Variants in STXBP6 observed in about 807,000 individuals in gnomAD.
STXBP6 encodes the protein syntaxin binding protein 6.
A neutral mutation model predicts 26.9 loss-of-function variants in STXBP6; 21 were observed. The ratio of observed to expected loss-of-function variants is 0.78; its 90% CI spans 0.55 to 1.12. STXBP6 has a LOEUF of 1.12. Ranked by LOEUF, STXBP6 falls within the 50% of genes most tolerant of loss-of-function variation. The pLI, the probability that STXBP6 is intolerant of heterozygous loss-of-function variation, is 0.00. For synonymous variants in STXBP6, 97 were observed against 92.6 expected, an observed-to-expected ratio of 1.05 and a Z score of -0.27; for missense variants, 232 against 257.9, an observed-to-expected ratio of 0.90 and a Z score of 0.69.
chr14:24,832,990 T>C (rs2068501723), intron 4 of STXBP6, among the ~76,000 whole-genome samples: 1 of 152,208 alleles, frequency 6.6e-6, no homozygotes, highest in Admixed American at 6.5e-5. Flanking sequence ...ATGATGAAAC[T>C]CAGAAACTCA....
chr14:24,819,256 C>T (rs192572527), intron 4 of STXBP6, 62 bp from the exon 5 acceptor site: 11 of 1,598,434 alleles, frequency 6.9e-6, no homozygotes, highest in East Asian at 2.2e-5. Flanking sequence ...GACCAGACTC[C>T]GGCAGGGTGA....
chr14:24,945,599 C>T (rs1595163558), intron 2 of STXBP6, among the ~76,000 whole-genome samples: 1 of 151,850 alleles, frequency 6.6e-6, no homozygotes, highest in South Asian at 2.1e-4. Context: ...ACAAACAAAA[C>T]ACTACCCCTA....
chr14:24,811,623 T>C lies in STXBP6; in HGVS notation c.*1086A>G, dbSNP rs567498243. 1.8e-3 allele frequency: 274 copies of C among 152,238 alleles called. No homozygotes were observed. The highest frequency in any genetic ancestry group is 6.3e-3 in the African/African-American group (261 of 41,540). 9.4% of individuals were successfully genotyped at this position (152,238 alleles called of 1,614,324 possible). A position where few individuals can be genotyped will look rare whatever the true frequency, so the allele number is the denominator to read the frequency against. The stretch of plus-strand genomic sequence containing the variant: ...TTATATCAGACCAGGCAAGGTGCAA[T>C]TGCCATGAAATGCAATTTGTCAAGA... On this transcript the variant is annotated 3_prime_UTR_variant, in exon 6 of 6. Transcript: ENST00000323944.
At chr14:25,025,125 G>A (rs77652922) in intron 1 of STXBP6, among the ~76,000 whole-genome samples, 8,123 of 152,068 alleles carry the variant, frequency 0.053, 651 homozygotes, top group African/African-American at 0.17. Context: ...AAATTTTGGT[G>A]TGTGGGATTT....
chr14:24,949,320 T>G (rs532727237), intron 2 of STXBP6, among the ~76,000 whole-genome samples: 3 of 152,306 alleles, frequency 2.0e-5, no homozygotes, highest in Non-Finnish European at 4.4e-5. Flanking sequence ...GTTTAAAGTT[T>G]TTAAATCTTC....
At chr14:25,027,099 G>A (rs978682114) in intron 1 of STXBP6, among the ~76,000 whole-genome samples, 3 of 152,200 alleles carry the variant, frequency 2.0e-5, no homozygotes, top group Non-Finnish European at 4.4e-5. Context: ...TCAAGCTGTT[G>A]CAGACCAATT....
chr14:24,997,317 T>C (rs958614636), intron 1 of STXBP6, among the ~76,000 whole-genome samples: 7 of 152,224 alleles, frequency 4.6e-5, no homozygotes, highest in African/African-American at 1.2e-4. Flanking sequence ...TACTCTCTCA[T>C]GCTCCCTCTG....
intron 2 of STXBP6, among the ~76,000 whole-genome samples, chr14:24,888,313 G>T (rs1261531422): frequency 2.0e-5 from 3 of 152,184 alleles, no homozygotes; most frequent in Non-Finnish European, 4.4e-5. Flanking sequence ...AACCTAAGCT[G>T]GCAGTAGGGA....
At chr14:24,956,708 C>A (rs1361684363) in intron 2 of STXBP6, among the ~76,000 whole-genome samples, 1 of 143,424 alleles carries the variant, frequency 7.0e-6, no homozygotes, top group Admixed American at 6.9e-5. Flanking sequence ...ATACCTCACA[C>A]TAAGTAATGA....
chr14:25,040,292 A>G (rs1240969142), intron 1 of STXBP6, among the ~76,000 whole-genome samples: 1 of 152,202 alleles, frequency 6.6e-6, no homozygotes, highest in Non-Finnish European at 1.5e-5. Context: ...GGCAGAGGAC[A>G]AGGGAGGTGG....
intron 4 of STXBP6, among the ~76,000 whole-genome samples, chr14:24,828,013 C>T (rs1187051590): frequency 3.3e-5 from 5 of 151,536 alleles, no homozygotes; most frequent in Non-Finnish European, 4.4e-5. Context: ...TAAGGGTGTT[C>T]CGACATCAGC....
chr14:25,039,675 C>G (rs967126702), intron 1 of STXBP6, among the ~76,000 whole-genome samples: 1 of 151,950 alleles, frequency 6.6e-6, no homozygotes, highest in African/African-American at 2.4e-5. Flanking sequence ...ATCCCAAGAC[C>G]CACCCCAGAC....
chr14:24,946,468 G>A (rs2072994975), intron 2 of STXBP6, among the ~76,000 whole-genome samples: 1 of 152,150 alleles, frequency 6.6e-6, no homozygotes, highest in Non-Finnish European at 1.5e-5. Context: ...TGGTATGTTT[G>A]ATGCCAAAAG....
At chr14:24,857,752 T>A (rs2069390032) in intron 2 of STXBP6, among the ~76,000 whole-genome samples, 1 of 151,882 alleles carries the variant, frequency 6.6e-6, no homozygotes. Flanking sequence ...TCTGGTGTTC[T>A]GGGCACACCT....
intron 2 of STXBP6, among the ~76,000 whole-genome samples, chr14:24,903,255 T>G (rs1297856515): frequency 6.6e-6 from 1 of 152,184 alleles, no homozygotes; most frequent in Non-Finnish European, 1.5e-5. Flanking sequence ...TTTGTTTGTT[T>G]CATTGAGACA....
intron 2 of STXBP6, among the ~76,000 whole-genome samples, chr14:24,922,819 C>T (rs1398989444): frequency 6.6e-6 from 1 of 152,082 alleles, no homozygotes; most frequent in Non-Finnish European, 1.5e-5. Context: ...AGGTTCTAGT[C>T]ATTAATTAAC....
chr14:24,841,963 T>C (rs752082951), intron 4 of STXBP6, among the ~76,000 whole-genome samples: 1 of 152,218 alleles, frequency 6.6e-6, no homozygotes, highest in Non-Finnish European at 1.5e-5. Context: ...TATTCTTCAG[T>C]GGGAGATTTA....
intron 2 of STXBP6, among the ~76,000 whole-genome samples, chr14:24,948,008 TA>T (rs1670782334): frequency 1.3e-5 from 2 of 152,182 alleles, no homozygotes; most frequent in Non-Finnish European, 2.9e-5. Flanking sequence ...AAACAAACAT[TA>T]ATTTAAAACA....
chr14:24,844,776 G>A (rs1466990155), intron 4 of STXBP6, among the ~76,000 whole-genome samples: 1 of 152,112 alleles, frequency 6.6e-6, no homozygotes, highest in Non-Finnish European at 1.5e-5. Flanking sequence ...AATTAAAGAG[G>A]TAAATCCAGC....
Sources: allele counts gnomAD v4.1 joint callset (sites outside exome capture counted in the v4.1 genomes callset), GRCh38; gene constraint gnomAD v4.1.1; transcripts MANE v1.5; gene names NCBI Gene and HGNC (gene_info 2026-07-23, HGNC 2026-07-21).